Variants in BCAR1 observed in about 807,000 individuals in gnomAD.
BCAR1 encodes breast cancer anti-estrogen resistance protein 1.
A neutral mutation model predicts 67.6 loss-of-function variants in BCAR1; 30 were observed. The ratio of observed to expected loss-of-function variants is 0.44; its 90% CI spans 0.33 to 0.60. BCAR1 has a LOEUF of 0.60. Ranked by LOEUF, BCAR1 falls within the 20% of genes least tolerant of loss-of-function variation. The pLI, the probability that BCAR1 is intolerant of heterozygous loss-of-function variation, is 0.02. For synonymous variants in BCAR1, 626 were observed against 556.7 expected (o/e 1.12, Z -1.75); for missense variants, 1,313 against 1,222.3 (o/e 1.07, Z -1.11).
chr16:75,238,627 G>T (rs1358497015), intron 2 of BCAR1: 7 of 986,372 alleles, frequency 7.1e-6, no homozygotes, highest in Non-Finnish European at 8.4e-6. Flanking sequence ...GGGCCCACTA[G>T]GTCTCCAGCA....
At chr16:75,246,770 C>G (rs945379259) in intron 1 of BCAR1, 2 of 152,452 alleles carry the variant, frequency 1.3e-5, no homozygotes, top group Admixed American at 1.3e-4. Context: ...CCCGGAACCC[C>G]TGCCATGCTT....
chr16:75,241,843 G>A lies in BCAR1; in HGVS notation c.633+627C>T, dbSNP rs188530746. Among the ~76,000 whole-genome samples, 19 of 152,216 alleles carry A rather than the reference G, an allele frequency of 1.2e-4. No individual in the cohort carries two copies. The East Asian group carries it at 2.5e-3, about 20-fold the overall frequency. On this transcript the variant is annotated intron_variant, in intron 2 of 6. Transcript: ENST00000162330. ...CAGGGGCCCTGTGGACTTGGGAAGC[G>A]GGCTCAGGGTCTGGAGGCCAGAGGT...
intron 1 of BCAR1, among the ~76,000 whole-genome samples, chr16:75,257,533 C>T (rs2077807378): frequency 1.3e-5 from 2 of 152,204 alleles, no homozygotes; most frequent in South Asian, 4.1e-4. Flanking sequence ...CAGCTCACTG[C>T]AGCCTCAACC....
chr16:75,248,384 T>G, intron 1 of BCAR1: 1 of 1,231,312 alleles, frequency 8.1e-7, no homozygotes, highest in Non-Finnish European at 1.0e-6. Flanking sequence ...TCTGGGGCAT[T>G]CTATTTGCTT....
At chr16:75,237,153 C>A (rs375094501) in intron 3 of BCAR1, 30 bp downstream of exon 3, 1 of 1,493,152 alleles carries the variant, frequency 6.7e-7, no homozygotes, top group Non-Finnish European at 8.9e-7. Flanking sequence ...TGCCGCCCTG[C>A]CCTCCCACCG....
At chr16:75,267,621 G>C (rs2078027363) in intron 1 of BCAR1, among the ~76,000 whole-genome samples, 1 of 150,828 alleles carries the variant, frequency 6.6e-6, no homozygotes, top group African/African-American at 2.4e-5. Context: ...TTTGCTCCTC[G>C]CCCAGACCCC....
chr16:75,230,395 C>T (rs1413200681), intron 6 of BCAR1, among the ~76,000 whole-genome samples: 1 of 152,074 alleles, frequency 6.6e-6, no homozygotes, highest in Non-Finnish European at 1.5e-5. Flanking sequence ...GCACTGGGGA[C>T]CCCTCGACCC....
intron 1 of BCAR1, among the ~76,000 whole-genome samples, chr16:75,259,613 G>C (rs1204223642): frequency 1.3e-5 from 2 of 152,160 alleles, no homozygotes; most frequent in Non-Finnish European, 2.9e-5. Flanking sequence ...AGCCCTTTGG[G>C]AGGCGAAAGC....
upstream of BCAR1, among the ~76,000 whole-genome samples, chr16:75,254,740 G>A (rs2077741636): frequency 1.3e-5 from 2 of 152,168 alleles, no homozygotes; most frequent in Admixed American, 6.5e-5. Context: ...CCCAGGAGTG[G>A]CCTGGCACCT....
chr16:75,264,378 G>A (rs375163584), intron 1 of BCAR1: 12 of 1,531,512 alleles, frequency 7.8e-6, no homozygotes, highest in Middle Eastern at 1.7e-4. Context: ...CAGGTGGTCC[G>A]CCTTGTCCCT....
chr16:75,252,210 A>T (rs1182999955), upstream of BCAR1: 1 of 1,536,406 alleles, frequency 6.5e-7, no homozygotes, highest in Non-Finnish European at 8.7e-7. Context: ...CTCTCGACCC[A>T]GCGCTTTTCA....
chr16:75,232,415 C>G (rs2076932835), intron 6 of BCAR1, among the ~76,000 whole-genome samples: 1 of 152,210 alleles, frequency 6.6e-6, no homozygotes, highest in Admixed American at 6.5e-5. Context: ...CCGCCTTGGC[C>G]TCCCAATGTG....
chr16:75,238,995 G>A (rs1482854148), intron 2 of BCAR1: 13 of 985,252 alleles, frequency 1.3e-5, no homozygotes, highest in Middle Eastern at 5.2e-4. Flanking sequence ...CCAACCTCAC[G>A]CGGTGAGGCC....
chr16:75,243,824 G>T (rs1180774968), intron 1 of BCAR1, among the ~76,000 whole-genome samples: 2 of 152,238 alleles, frequency 1.3e-5, no homozygotes, highest in African/African-American at 4.8e-5. Flanking sequence ...TGGGACACTA[G>T]AGCCCAGGCA....
intron 1 of BCAR1, among the ~76,000 whole-genome samples, chr16:75,244,602 T>G (rs542227873): frequency 1.3e-5 from 2 of 152,352 alleles, no homozygotes; most frequent in South Asian, 2.1e-4. Context: ...TCACTTGCCC[T>G]GGGTGGACAT....
At chr16:75,248,244 AC>A in intron 1 of BCAR1, 1 of 1,498,424 alleles carries the variant, frequency 6.7e-7, no homozygotes, top group Non-Finnish European at 8.8e-7. Context: ...GGCCTTTCCC[AC>A]CCCTCCTGTC....
At chr16:75,251,196 C>G (rs2077669525) in intron 1 of BCAR1, among the ~76,000 whole-genome samples, 1 of 152,062 alleles carries the variant, frequency 6.6e-6, no homozygotes, top group Non-Finnish European at 1.5e-5. Context: ...GCGCGGGCCC[C>G]GCCAGCCACT....
chr16:75,241,017 G>A (rs2151431005), intron 2 of BCAR1, among the ~76,000 whole-genome samples: 1 of 152,406 alleles, frequency 6.6e-6, no homozygotes, highest in South Asian at 2.1e-4. Flanking sequence ...GGGAGAGGAG[G>A]GGTGGGGATG....
intron 1 of BCAR1, chr16:75,266,909 G>T (rs1274009241): frequency 1.5e-6 from 1 of 677,938 alleles, no homozygotes. Flanking sequence ...GGGACCTGGG[G>T]GCAGAAAGCT....
Sources: allele counts gnomAD v4.1 joint callset (sites outside exome capture counted in the v4.1 genomes callset), GRCh38; gene constraint gnomAD v4.1.1; transcripts MANE v1.5; gene names NCBI Gene and HGNC (gene_info 2026-07-23, HGNC 2026-07-21).